Variants in CENPF observed in about 807,000 individuals in gnomAD.
CENPF encodes centromere protein F, also known as AH antigen.
Under a neutral mutation model 307.3 loss-of-function variants are expected in CENPF, and 214 were observed. The observed-to-expected ratio is 0.70, with a 90% CI of 0.62 to 0.78. The LOEUF (loss-of-function observed/expected upper bound fraction) is 0.78. Ranked by LOEUF, CENPF falls within the 30% of genes least tolerant of loss-of-function variation. CENPF has a pLI of 0.00. For missense variants in CENPF, 3,401 were observed against 3,483.9 expected (o/e 0.98, Z 0.60); for synonymous variants, 1,259 against 1,270.6 (o/e 0.99, Z 0.19).
intron 16 of CENPF, 23 bp from the exon 17 acceptor site, chr1:214,655,218 A>G: frequency 6.7e-7 from 1 of 1,492,690 alleles, no homozygotes; most frequent in Non-Finnish European, 9.0e-7. Flanking sequence ...AAGGTTTTAA[A>G]TGGAATTACT....
At chr1:214,636,097 T>G (rs1657959139) in intron 10 of CENPF, among the ~76,000 whole-genome samples, 1 of 152,236 alleles carries the variant, frequency 6.6e-6, no homozygotes, top group East Asian at 1.9e-4. Flanking sequence ...CTCATTCAGC[T>G]GATCTTAGCA....
intron 8 of CENPF, 109 bp from the exon 9 acceptor site, chr1:214,630,425 C>A: frequency 1.5e-6 from 2 of 1,334,492 alleles, no homozygotes; most frequent in Non-Finnish European, 2.1e-6. Flanking sequence ...CAGCTCCCTG[C>A]TGTCTCCTGT....
intron 1 of CENPF, among the ~76,000 whole-genome samples, chr1:214,603,817 G>A (rs1385592426): frequency 7.0e-6 from 1 of 143,574 alleles, no homozygotes; most frequent in East Asian, 1.9e-4. Context: ...TCTTCCTCCC[G>A]TCCACATTTT....
chr1:214,607,178 C>T (rs60944459), intron 1 of CENPF, among the ~76,000 whole-genome samples: 1 of 152,352 alleles, frequency 6.6e-6, no homozygotes, highest in South Asian at 2.1e-4. Flanking sequence ...GCCCTGTCAC[C>T]TGCTACCAGG....
chr1:214,612,530 A>G (rs1316119408), intron 1 of CENPF, among the ~76,000 whole-genome samples: 1 of 152,132 alleles, frequency 6.6e-6, no homozygotes, highest in East Asian at 1.9e-4. Context: ...TTTGGAAACC[A>G]GGGGTACAGA....
chr1:214,624,531 T>C (rs185663351), intron 7 of CENPF, among the ~76,000 whole-genome samples: 44 of 152,318 alleles, frequency 2.9e-4, no homozygotes, highest in Admixed American at 7.8e-4. Context: ...GTTGTCAACT[T>C]TATGTATATA....
rs111404167 is a variant in CENPF, at chr1:214,649,143, G to A, written c.7983+316G>A. Among the ~76,000 whole-genome samples the A allele has an allele frequency of 3.2e-3, 482 of 152,256 alleles. 6 individuals are homozygous for A. The highest frequency in any genetic ancestry group is 0.011 in the African/African-American group (455 of 41,548). ...GTAGATCTCATGCCGCTTTCAACAAGTTTATCTGCCTCCCTAGCTTGCCAC... is the reference window on the plus strand; with the variant it reads ...GTAGATCTCATGCCGCTTTCAACAAATTTATCTGCCTCCCTAGCTTGCCAC... On this transcript the variant is annotated intron_variant, in intron 14 of 19. Coordinates refer to ENST00000366955, the MANE Select transcript of CENPF (RefSeq NM_016343.4).
At chr1:214,605,938 G>A (rs1322837068) in intron 1 of CENPF, 28 of 1,597,242 alleles carry the variant, frequency 1.8e-5, no homozygotes, top group Non-Finnish European at 2.4e-5. Flanking sequence ...TCTTGGTGTC[G>A]GGGAAGGCGA....
intron 15 of CENPF, 100 bp from the exon 16 acceptor site, chr1:214,652,728 A>C (rs1658520978): frequency 1.9e-6 from 2 of 1,060,190 alleles, no homozygotes; most frequent in South Asian, 1.7e-5. Flanking sequence ...CAGGTGTGAA[A>C]CACTGCGCCC....
At chr1:214,635,911 C>T (rs530379224) in intron 10 of CENPF, among the ~76,000 whole-genome samples, 28 of 152,250 alleles carry the variant, frequency 1.8e-4, no homozygotes, top group African/African-American at 5.8e-4. Flanking sequence ...CCTATTGGGA[C>T]GCACCTAGTT....
rs2102565490 is a variant in CENPF, at chr1:214,645,349, G to A, written c.5779G>A (p.Val1927Ile). Reference sequence around the variant, plus strand: ...CCTCTACCTGGAGGCTGACTTAGAGGTAGTTCAAACAGAGAAGCTATGTTT... The same window carrying A: ...CCTCTACCTGGAGGCTGACTTAGAGATAGTTCAAACAGAGAAGCTATGTTT... The part of the protein sequence containing the change: ...EALYLEADLE[V>I]VQTEKLCLEK... The change falls in exon 13 of 20, where the codon GTA becomes ATA. Residue 1927 changes from valine (V) to isoleucine (I), a missense_variant. Coordinates refer to ENST00000366955, the MANE Select transcript of CENPF (RefSeq NM_016343.4). 2 of 1,614,100 alleles carry A rather than the reference G, an allele frequency of 1.2e-6. No homozygotes were observed. Among genetic ancestry groups the A allele is most frequent in the Non-Finnish European group, 1.7e-6 (2 of 1,180,024 alleles).
In CENPF at chr1:214,642,185, C is replaced by T. The variant is rs1345287437; in HGVS notation, c.3847C>T (p.Gln1283Ter). The change falls in exon 12 of 20, where the codon CAA becomes TAA. Residue 1283 changes from glutamine (Q) to a stop codon, truncating the protein, a stop_gained. Coordinates refer to ENST00000366955, the MANE Select transcript of CENPF (RefSeq NM_016343.4). LOFTEE classifies it high-confidence loss of function. Reference protein sequence around the residue: ...ISGPHELSTSQNDNAHLQCSL... With the variant: ...ISGPHELSTS ...AGGGCCTCATGAGTTGTCAACAAGT[C>T]AAAACGACAATGCACACCTTCAGTG... The T allele has an allele frequency of 6.2e-7, 1 of 1,614,028 alleles. No individual in the cohort carries two copies. The highest frequency in any genetic ancestry group is 8.5e-7 in the Non-Finnish European group (1 of 1,179,982).
intron 7 of CENPF, 138 bp downstream of exon 7, chr1:214,622,419 G>A (rs577547732): frequency 2.4e-5 from 18 of 763,988 alleles, no homozygotes; most frequent in Non-Finnish European, 3.5e-5. Flanking sequence ...TGATGCAACT[G>A]AACTAGAAAG....
rs746419986 is a variant in CENPF, at chr1:214,645,879, C to T, written c.6309C>T (p.Phe2103=). The T allele has an allele frequency of 9.9e-6, 16 of 1,614,036 alleles. No homozygotes were observed. Among genetic ancestry groups the T allele is most frequent in the Middle Eastern group, 1.6e-4 (1 of 6,062 alleles). Reference sequence around the variant, plus strand: ...CCGCACTGGTGGAGAAAGGTGAGTTCGCATTGAGGCTGAGCTCAACACAGG... The same window carrying T: ...CCGCACTGGTGGAGAAAGGTGAGTTTGCATTGAGGCTGAGCTCAACACAGG... The part of the protein sequence containing the change: ...LEAALVEKGE[F]ALRLSSTQEE... Residue 2103 remains phenylalanine (F), a synonymous_variant, in exon 13 of 20, where the codon TTC becomes TTT. Coordinates refer to ENST00000366955, the MANE Select transcript of CENPF (RefSeq NM_016343.4).
chr1:214,647,429 A>T (rs1373464081), intron 13 of CENPF, 29 bp downstream of exon 13: 2 of 1,561,974 alleles, frequency 1.3e-6, no homozygotes, highest in East Asian at 2.3e-5. Context: ...TTATGTTTAA[A>T]TATGTAGTCA....
intron 3 of CENPF, among the ~76,000 whole-genome samples, chr1:214,618,088 C>A (rs147827032): frequency 3.2e-4 from 49 of 152,224 alleles, no homozygotes; most frequent in Middle Eastern, 3.4e-3. Context: ...AGAATGAGAA[C>A]CAAGCATAGG....
chr1:214,611,082 G>T (rs562209000), intron 1 of CENPF, among the ~76,000 whole-genome samples: 1 of 152,266 alleles, frequency 6.6e-6, no homozygotes, highest in South Asian at 2.1e-4. Context: ...GGTTACTGTA[G>T]CCCTGTAGTA....
At chr1:214,662,389 T>G (rs1658809502) in intron 19 of CENPF, among the ~76,000 whole-genome samples, 1 of 152,228 alleles carries the variant, frequency 6.6e-6, no homozygotes, top group African/African-American at 2.4e-5. Flanking sequence ...GAGGGAGAAG[T>G]GAGCTTTCCT....
intron 7 of CENPF, among the ~76,000 whole-genome samples, chr1:214,627,808 A>G (rs1236579246): frequency 2.0e-5 from 3 of 152,210 alleles, no homozygotes; most frequent in Admixed American, 6.5e-5. Flanking sequence ...GTCCTTGTCA[A>G]ATGTGTAACT....
Sources: gnomAD v4.1 joint callset for allele counts (sites outside exome capture counted in the v4.1 genomes callset) on GRCh38, gnomAD v4.1.1 for gene constraint, MANE v1.5 for transcripts, NCBI Gene and HGNC (gene_info 2026-07-23, HGNC 2026-07-21) for gene names.